The following PDE6C variants were observed in gnomAD, a reference collection of about 807,000 sequenced individuals.
PDE6C encodes phosphodiesterase 6C, also known as cone cGMP-specific 3',5'-cyclic phosphodiesterase subunit alpha'.
PDE6C carries 75 observed loss-of-function variants against 113.1 expected under a neutral mutation model. That is an observed-to-expected ratio of 0.66 (90% confidence interval 0.55 to 0.80). The LOEUF (loss-of-function observed/expected upper bound fraction) is 0.80, where lower values mean the gene tolerates loss of function less well. Among genes scored for constraint, PDE6C ranks in the 30% least tolerant of loss-of-function variants. PDE6C has a pLI of 0.00. For synonymous variants in PDE6C, 375 were observed against 363.7 expected (o/e 1.03, Z -0.35); for missense variants, 912 against 1,038.6 (o/e 0.88, Z 1.67).
intron 11 of PDE6C, among the ~76,000 whole-genome samples, chr10:93,639,316 G>A (rs185018844): frequency 6.6e-6 from 1 of 152,090 alleles, no homozygotes; most frequent in Non-Finnish European, 1.5e-5. Flanking sequence ...CTTTTCACTC[G>A]TATATATTTT....
chr10:93,630,645 A>G (rs2134602736), intron 8 of PDE6C, among the ~76,000 whole-genome samples: 1 of 152,030 alleles, frequency 6.6e-6, no homozygotes, highest in East Asian at 1.9e-4. Context: ...CCCGGTGGGT[A>G]CCGTTGGGGT....
rs541753679 is a variant in PDE6C, at chr10:93,644,054, C to T, written c.1848-1906C>T. Among the ~76,000 whole-genome samples the T allele has an allele frequency of 2.8e-3, 425 of 152,206 alleles. 1 individual carries two copies. The highest frequency in any genetic ancestry group is 6.8e-3 in the Middle Eastern group (2 of 294). Reference sequence around the variant, plus strand: ...TGTTGATGTTTTTGAAGAGTCTAGGCCAACTATTTTGCAGAATATCTTTCA... The same window carrying T: ...TGTTGATGTTTTTGAAGAGTCTAGGTCAACTATTTTGCAGAATATCTTTCA... On this transcript the variant is annotated intron_variant, in intron 14 of 21. Transcript: ENST00000371447.
At chr10:93,658,169 CAA>C (rs71031527) in intron 16 of PDE6C, among the ~76,000 whole-genome samples, 3,162 of 59,620 alleles carry the variant, frequency 0.053, 47 homozygotes, top group African/African-American at 0.16. Context: ...GATTCTGTCT[CAA>C]AAAAAAAAAA....
chr10:93,627,258 CAAAAAAAAAA>C (rs57142181), intron 7 of PDE6C, among the ~76,000 whole-genome samples: 4 of 52,582 alleles, frequency 7.6e-5, no homozygotes, highest in Admixed American at 2.8e-4. Context: ...TGAAACTCCA[CAAAAAAAAAA>C]AAAAAAAAAA....
intron 16 of PDE6C, among the ~76,000 whole-genome samples, chr10:93,657,998 G>A (rs1048594343): frequency 1.3e-5 from 2 of 151,538 alleles, no homozygotes; most frequent in African/African-American, 4.8e-5. Flanking sequence ...TAGCAAGACT[G>A]TCTCTACAAA....
chr10:93,650,798 G>A (rs1257962906), intron 15 of PDE6C, among the ~76,000 whole-genome samples: 2 of 152,136 alleles, frequency 1.3e-5, no homozygotes, highest in African/African-American at 4.8e-5. Flanking sequence ...TAAGCTATAT[G>A]TGTTAACTTT....
At chr10:93,616,110 C>T (rs1042713286) in intron 1 of PDE6C, among the ~76,000 whole-genome samples, 1 of 152,214 alleles carries the variant, frequency 6.6e-6, no homozygotes, top group African/African-American at 2.4e-5. Flanking sequence ...ATTTAAACAA[C>T]ATTCTCTGAC....
intron 8 of PDE6C, among the ~76,000 whole-genome samples, chr10:93,629,694 C>T (rs749945293): frequency 9.2e-5 from 14 of 152,148 alleles, no homozygotes; most frequent in South Asian, 6.2e-4. Context: ...GTTAGATTCT[C>T]ATAAGGACGG....
intron 4 of PDE6C, among the ~76,000 whole-genome samples, chr10:93,622,639 G>GTTTTTTTTTGTTTTT (rs2058452335): frequency 1.8e-5 from 2 of 113,984 alleles, no homozygotes; most frequent in African/African-American, 3.7e-5. Flanking sequence ...GTAGCCACAG[G>GTTTTTTTTTGTTTTT]TTTTTTTTTT....
chr10:93,641,722 T>A (rs561702303), intron 14 of PDE6C, among the ~76,000 whole-genome samples: 8 of 152,302 alleles, frequency 5.3e-5, no homozygotes, highest in Admixed American at 4.6e-4. Context: ...TATGGAGCAC[T>A]CCCCAGCTCA....
intron 1 of PDE6C, among the ~76,000 whole-genome samples, chr10:93,615,824 C>T (rs1369839652): frequency 2.6e-5 from 4 of 152,164 alleles, no homozygotes; most frequent in Non-Finnish European, 5.9e-5. Context: ...ATGGAAGGGG[C>T]TTATGAAGTC....
chr10:93,628,864 A>G (rs1474738033), intron 7 of PDE6C, among the ~76,000 whole-genome samples: 2 of 152,038 alleles, frequency 1.3e-5, no homozygotes, highest in African/African-American at 4.8e-5. Context: ...TCTAACCCAA[A>G]TCTCACTTTA....
chr10:93,620,819 A>G lies in PDE6C; in HGVS notation c.633+35A>G, dbSNP rs574270319. The G allele has an allele frequency of 2.5e-6, 4 of 1,614,016 alleles. No homozygotes were observed. The African/African-American group carries it at 5.3e-5, about 22-fold the overall frequency. ...ACCCTGGGCATCTGGTTGGAGGCTC[A>G]GGAAATTTATTTGTTGTATAACCAA... On this transcript the variant is annotated intron_variant, in intron 2 of 21. Transcript: ENST00000371447.
intron 15 of PDE6C, among the ~76,000 whole-genome samples, chr10:93,655,408 A>G (rs1323512648): frequency 2.6e-5 from 4 of 152,152 alleles, no homozygotes; most frequent in African/African-American, 9.7e-5. Context: ...AAAGCTTCTC[A>G]ATTAATACAA....
intron 11 of PDE6C, among the ~76,000 whole-genome samples, chr10:93,637,561 T>C (rs185928823): frequency 1.3e-5 from 2 of 152,316 alleles, no homozygotes; most frequent in East Asian, 3.9e-4. Flanking sequence ...ACTAATTCTG[T>C]CTTTTGTTGT....
chr10:93,614,518 A>G (rs888193412), intron 1 of PDE6C, among the ~76,000 whole-genome samples: 1 of 152,174 alleles, frequency 6.6e-6, no homozygotes, highest in African/African-American at 2.4e-5. Context: ...TAGACAACCA[A>G]CTGGAAGGCA....
At chr10:93,648,534 A>C in intron 15 of PDE6C, among the ~76,000 whole-genome samples, 1 of 152,192 alleles carries the variant, frequency 6.6e-6, no homozygotes. Flanking sequence ...AATAAGGGAA[A>C]TCCTTGGGAT....
Position 93,641,033 on chromosome 10 carries a change from AG to A in PDE6C, c.1847+5del. On this transcript the variant is annotated splice_donor_5th_base_variant and intron_variant, in intron 14 of 21. Coordinates refer to ENST00000371447, the MANE Select transcript of PDE6C (RefSeq NM_006204.4). ...CCAATAATTTGTACCAGATGAAGTA[AG>A]TGAACACATGTCCAATGTTGACACG... 1 of 1,518,316 alleles carries A rather than the reference AG, an allele frequency of 6.6e-7. No individual in the cohort carries two copies. Among genetic ancestry groups the A allele is most frequent in the South Asian group, 1.1e-5 (1 of 89,144 alleles). 94.1% of individuals were successfully genotyped at this position (1,518,316 alleles called of 1,614,324 possible). A position where few individuals can be genotyped will look rare whatever the true frequency, so the allele number is the denominator to read the frequency against.
intron 1 of PDE6C, among the ~76,000 whole-genome samples, chr10:93,619,767 A>AGT (rs2058436672): frequency 6.6e-6 from 1 of 152,218 alleles, no homozygotes; most frequent in Admixed American, 6.5e-5. Flanking sequence ...ATGTAAAGAA[A>AGT]AACTGTATGT....
Sources: allele counts gnomAD v4.1 joint callset (sites outside exome capture counted in the v4.1 genomes callset), GRCh38; gene constraint gnomAD v4.1.1; transcripts MANE v1.5; gene names NCBI Gene and HGNC (gene_info 2026-07-23, HGNC 2026-07-21).